The following PAAF1 variants were observed in gnomAD, a reference collection of about 807,000 sequenced individuals.
The protein encoded by PAAF1 is proteasomal ATPase-associated factor 1.
A neutral mutation model predicts 52.8 loss-of-function variants in PAAF1; 46 were observed. The observed-to-expected ratio is 0.87, with a 90% CI of 0.69 to 1.11. PAAF1 has a LOEUF of 1.11. Ranked by LOEUF, PAAF1 falls within the 50% of genes most tolerant of loss-of-function variation. The pLI, the probability that PAAF1 is intolerant of heterozygous loss-of-function variation, is 0.00. For missense variants in PAAF1, 424 were observed against 477.4 expected (o/e 0.89, Z 1.04); for synonymous variants, 178 against 172.8 (o/e 1.03, Z -0.24).
rs985864445 is a variant in PAAF1, at chr11:73,899,193, T to C, written c.330T>C (p.Ser110=). The change falls in exon 5 of 12, where the codon TCT becomes TCC. Residue 110 remains serine, a synonymous_variant. Transcript: ENST00000310571. ...GCAGAGGAGGTCTTGGTGTGTCTTC[T>C]AGTACTGACGGGACCATGAAAATCT... The part of the protein sequence containing the change: ...ISSRGGLGVS[S]STDGTMKIWQ... 3 of 1,614,116 alleles carry C rather than the reference T, an allele frequency of 1.9e-6. No homozygotes were observed. The highest frequency in any genetic ancestry group is 1.7e-6 in the Non-Finnish European group (2 of 1,180,006).
At chr11:73,881,687 A>G (rs1329402221) in intron 2 of PAAF1, among the ~76,000 whole-genome samples, 1 of 151,958 alleles carries the variant, frequency 6.6e-6, no homozygotes, top group Non-Finnish European at 1.5e-5. Flanking sequence ...ACCTTCAACA[A>G]CCAAGGAGTT....
intron 7 of PAAF1, among the ~76,000 whole-genome samples, chr11:73,913,210 A>G (rs1490893595): frequency 1.3e-5 from 2 of 152,100 alleles, no homozygotes; most frequent in African/African-American, 4.8e-5. Context: ...GGTCTGGAAT[A>G]TACTCCTGCA....
rs1355486322 is a variant in PAAF1 at position 73,928,764 on chromosome 11, C to T, written c.*1402C>T. On this transcript the variant is annotated 3_prime_UTR_variant, in exon 12 of 12. Transcript: ENST00000310571. ...TTTTTGAGACGGAGTCTCGCTCTGTCACCCAGACTGGTGCGATCTTGGCTC... is the reference window on the plus strand; with the variant it reads ...TTTTTGAGACGGAGTCTCGCTCTGTTACCCAGACTGGTGCGATCTTGGCTC... 1.3e-5 allele frequency: 2 copies of T among 152,132 alleles called. No individual in the cohort carries two copies. The highest frequency in any genetic ancestry group is 1.3e-4 in the Admixed American group (2 of 15,258). 9.4% of individuals were successfully genotyped at this position (152,132 alleles called of 1,614,324 possible).
At chr11:73,899,408 C>CTTTTTTTTTTTTTTTT (rs71065053) in intron 5 of PAAF1, among the ~76,000 whole-genome samples, 164 bp downstream of exon 5, 2 of 101,220 alleles carry the variant, frequency 2.0e-5, no homozygotes, top group African/African-American at 7.7e-5. Flanking sequence ...TTCTTTTTCT[C>CTTTTTTTTTTTTTTTT]TTTTTTTTTT....
At chr11:73,922,833 A>G (rs1010843434) in intron 10 of PAAF1, among the ~76,000 whole-genome samples, 1 of 151,508 alleles carries the variant, frequency 6.6e-6, no homozygotes, top group Non-Finnish European at 1.5e-5. Context: ...AAAAAAAAAA[A>G]AAGAAGTTGG....
At chr11:73,924,497 G>A in intron 10 of PAAF1, 118 bp from the exon 11 acceptor site, 1 of 789,254 alleles carries the variant, frequency 1.3e-6, no homozygotes, top group East Asian at 2.6e-5. Flanking sequence ...TTGCCATTCT[G>A]GGTCTTTGGA....
At position 73,897,508 on chromosome 11, in the gene PAAF1, G is replaced by A. The variant is rs1949440032; in HGVS notation, c.283-1638G>A. On this transcript the variant is annotated intron_variant, in intron 4 of 11. Coordinates refer to ENST00000310571, the MANE Select transcript of PAAF1 (RefSeq NM_025155.3). ...GAGACGCTCCTCACATCCCGGACAG[G>A]GTGGCAGGGCAGAGGTGCTCCCCAC... Among the ~76,000 whole-genome samples the A allele has an allele frequency of 2.6e-5, 4 of 151,752 alleles. No homozygotes were observed. The South Asian group carries it at 6.2e-4, about 24-fold the overall frequency.
At chr11:73,898,369 A>AT (rs1949491214) in intron 4 of PAAF1, among the ~76,000 whole-genome samples, 1 of 151,838 alleles carries the variant, frequency 6.6e-6, no homozygotes. Context: ...TTTTCTTTTT[A>AT]TTTTTTATAT....
intron 6 of PAAF1, among the ~76,000 whole-genome samples, chr11:73,901,870 C>CTT (rs35218096): frequency 4.7e-5 from 6 of 128,196 alleles, no homozygotes; most frequent in East Asian, 2.2e-4. Flanking sequence ...TGCGCCTTGC[C>CTT]TTTTTTTTTT....
intron 4 of PAAF1, among the ~76,000 whole-genome samples, chr11:73,894,451 C>T (rs770869078): frequency 2.6e-5 from 4 of 151,916 alleles, no homozygotes; most frequent in Non-Finnish European, 4.4e-5. Context: ...ACCAGCCTGG[C>T]CAACATAATG....
At chr11:73,911,392 A>G (rs1398648761) in intron 7 of PAAF1, among the ~76,000 whole-genome samples, 1 of 152,120 alleles carries the variant, frequency 6.6e-6, no homozygotes, top group Non-Finnish European at 1.5e-5. Context: ...TATGTTGCCC[A>G]GGCTGGTGTT....
chr11:73,920,774 C>T (rs887702662), intron 10 of PAAF1, among the ~76,000 whole-genome samples: 2 of 151,622 alleles, frequency 1.3e-5, no homozygotes, highest in African/African-American at 4.9e-5. Flanking sequence ...ATCACTTGAA[C>T]CTGGGAGGTG....
intron 6 of PAAF1, among the ~76,000 whole-genome samples, chr11:73,901,999 G>A (rs191426936): frequency 2.2e-3 from 334 of 151,736 alleles, no homozygotes; most frequent in Non-Finnish European, 3.3e-3. Context: ...AAGTAGCTGG[G>A]ATCACAGGCG....
rs1591080324 is a variant in PAAF1 at position 73,900,396 on chromosome 11, G to A, written c.508G>A (p.Val170Met). The A allele has an allele frequency of 1.2e-6, 2 of 1,611,218 alleles. No homozygotes were observed. The highest frequency in any genetic ancestry group is 1.7e-6 in the Non-Finnish European group (2 of 1,177,974). ...GTCAGCTGAAGATGCTAGCTGCGTG[G>A]TGACCTTCAAAGGTCACAAAGGAGG... is the stretch of plus-strand genomic sequence containing the variant. ...IWSAEDASCV[V>M]TFKGHKGGIL... Residue 170 changes from valine (V) to methionine (M), a missense_variant, in exon 6 of 12, where the codon GTG becomes ATG. Physicochemically the swap from Val to Met is conservative, Grantham distance 21. Transcript: ENST00000310571.
At chr11:73,925,319 G>C (rs994204046) in intron 11 of PAAF1, among the ~76,000 whole-genome samples, 1 of 151,832 alleles carries the variant, frequency 6.6e-6, no homozygotes, top group Non-Finnish European at 1.5e-5. Context: ...AATTAGCTGG[G>C]CATGGTGGCA....
In PAAF1 at chr11:73,900,322, C is replaced by T; in HGVS notation, c.434C>T (p.Ser145Leu). 6.2e-7 allele frequency: 1 copy of T among 1,612,694 alleles called. No homozygotes were observed. ...GTGAATTGTTGCAGGTTTTTCCCATCAGGCCTTGTGGTCCTGAGTGGGGGA... is the reference window on the plus strand; with the variant it reads ...GTGAATTGTTGCAGGTTTTTCCCATTAGGCCTTGTGGTCCTGAGTGGGGGA... ...FDVNCCRFFP[S>L]GLVVLSGGMD... is the part of the protein sequence containing the mutation. Residue 145 changes from serine to leucine, a missense_variant, in exon 6 of 12, where the codon TCA becomes TTA. Coordinates refer to ENST00000310571, the MANE Select transcript of PAAF1 (RefSeq NM_025155.3).
At chr11:73,900,462 C>A in intron 6 of PAAF1, 42 bp downstream of exon 6, 1 of 1,502,994 alleles carries the variant, frequency 6.7e-7, no homozygotes, top group Non-Finnish European at 9.0e-7. Flanking sequence ...CTAATGATCC[C>A]CAGAAATGAA....
Position 73,927,263 on chromosome 11 carries a change from A to G in PAAF1, c.1102-22A>G, listed in dbSNP as rs1950387169. 4 of 1,590,752 alleles carry G rather than the reference A, an allele frequency of 2.5e-6. No homozygotes were observed. In the South Asian group the frequency reaches 4.4e-5, roughly 18 times the overall value. On this transcript the variant is annotated intron_variant, in intron 11 of 11. Transcript: ENST00000310571. ...TGGAAGAATCCCAGGCTTCCTTTGAACTGTGAATTCTTGTGTTTTAGGTAG... is the reference window on the plus strand; with the variant it reads ...TGGAAGAATCCCAGGCTTCCTTTGAGCTGTGAATTCTTGTGTTTTAGGTAG...
intron 6 of PAAF1, among the ~76,000 whole-genome samples, chr11:73,900,981 C>CAAAAAAAAAAAAAAAAAAAAA (rs5792636): frequency 1.7e-5 from 1 of 59,536 alleles, no homozygotes. Context: ...GACTCCGTCT[C>CAAAAAAAAAAAAAAAAAAAAA]AAAAAAAAAA....
Sources: gnomAD v4.1 joint callset for allele counts (sites outside exome capture counted in the v4.1 genomes callset) on GRCh38, gnomAD v4.1.1 for gene constraint, MANE v1.5 for transcripts, NCBI Gene and HGNC (gene_info 2026-07-23, HGNC 2026-07-21) for gene names.